Variants in RNF216 observed in about 807,000 individuals in gnomAD.
RNF216 encodes the protein E3 ubiquitin-protein ligase RNF216.
In RNF216, 72 loss-of-function variants were observed where a neutral mutation model predicts 110.8. The observed-to-expected ratio is 0.65, with a 90% CI of 0.54 to 0.79. RNF216 has a LOEUF of 0.79. RNF216 is among the 30% of genes least tolerant of loss of function. The pLI, the probability that RNF216 is intolerant of heterozygous loss-of-function variation, is 0.00. For missense variants in RNF216, 1,342 were observed against 1,141.2 expected, an observed-to-expected ratio of 1.18 and a Z score of -2.54; for synonymous variants, 495 against 407.5, an observed-to-expected ratio of 1.21 and a Z score of -2.59.
At chr7:5,713,406 A>G (rs1792841357) in intron 11 of RNF216, 1 of 152,608 alleles carries the variant, frequency 6.6e-6, no homozygotes, top group Non-Finnish European at 1.5e-5. Flanking sequence ...AGAGGAGAGC[A>G]GAGCTGAGGG....
chr7:5,640,745 A>G (rs971224858), intron 15 of RNF216, among the ~76,000 whole-genome samples: 1 of 152,188 alleles, frequency 6.6e-6, no homozygotes, highest in Non-Finnish European at 1.5e-5. Flanking sequence ...CTAATATTTT[A>G]TTTACATAAT....
intron 11 of RNF216, among the ~76,000 whole-genome samples, chr7:5,713,882 G>T (rs1355886680): frequency 6.6e-6 from 1 of 152,218 alleles, no homozygotes; most frequent in Non-Finnish European, 1.5e-5. Context: ...TACAGAGGAA[G>T]AAACAGTGGC....
At chr7:5,735,173 T>G (rs1376284108) in intron 5 of RNF216, among the ~76,000 whole-genome samples, 38 of 152,184 alleles carry the variant, frequency 2.5e-4, no homozygotes, top group Non-Finnish European at 4.9e-4. Context: ...AAAAAAGAGT[T>G]TGTGTAATCC....
At chr7:5,762,202 T>A (rs1237431967) in intron 1 of RNF216, among the ~76,000 whole-genome samples, 1 of 152,050 alleles carries the variant, frequency 6.6e-6, no homozygotes, top group Non-Finnish European at 1.5e-5. Flanking sequence ...ATACAAAAAT[T>A]TAAAATACAT....
intron 13 of RNF216, among the ~76,000 whole-genome samples, chr7:5,652,811 G>A (rs866293584): frequency 6.6e-6 from 1 of 152,050 alleles, no homozygotes; most frequent in African/African-American, 2.4e-5. Context: ...ACAAAGAGTT[G>A]GGGGAGGAGA....
chr7:5,775,087 T>C (rs1325083672), intron 1 of RNF216: 2 of 152,162 alleles, frequency 1.3e-5, no homozygotes, highest in Non-Finnish European at 2.9e-5. Flanking sequence ...CCTAGCACAG[T>C]TGTTGAACGA....
intron 15 of RNF216, among the ~76,000 whole-genome samples, chr7:5,633,031 G>A (rs10269041): frequency 6.6e-6 from 1 of 151,942 alleles, no homozygotes; most frequent in East Asian, 2.0e-4. Context: ...CCAGGCTGGA[G>A]TGCAGTGGTG....
chr7:5,706,334 A>G (rs142515977), intron 13 of RNF216, among the ~76,000 whole-genome samples: 69 of 152,308 alleles, frequency 4.5e-4, no homozygotes, highest in African/African-American at 1.6e-3. Flanking sequence ...TGATCTCTAA[A>G]CAACTTAATC....
At chr7:5,738,433 G>C (rs538353470) in intron 5 of RNF216, among the ~76,000 whole-genome samples, 72 of 152,222 alleles carry the variant, frequency 4.7e-4, no homozygotes, top group African/African-American at 1.7e-3. Context: ...ATATGGCTGG[G>C]AGCGGTGGCT....
intron 15 of RNF216, among the ~76,000 whole-genome samples, chr7:5,626,693 G>A (rs1224870093): frequency 6.6e-6 from 1 of 151,724 alleles, no homozygotes; most frequent in African/African-American, 2.4e-5. Context: ...AAGGAAGAAA[G>A]AAAAAAGAAA....
intron 14 of RNF216, among the ~76,000 whole-genome samples, chr7:5,646,842 T>A (rs1788079768): frequency 6.6e-6 from 1 of 152,070 alleles, no homozygotes; most frequent in Admixed American, 6.6e-5. Flanking sequence ...GCAGTTGGAG[T>A]ACTCTGAGTT....
intron 13 of RNF216, among the ~76,000 whole-genome samples, chr7:5,690,829 G>C (rs1791288222): frequency 6.6e-6 from 1 of 152,132 alleles, no homozygotes; most frequent in Non-Finnish European, 1.5e-5. Context: ...TGCCAGGACA[G>C]CTCTGCCACA....
intron 12 of RNF216, among the ~76,000 whole-genome samples, chr7:5,712,460 G>A (rs537330263): frequency 7.4e-5 from 11 of 149,558 alleles, no homozygotes; most frequent in Admixed American, 4.0e-4. Flanking sequence ...GCGACAGAGC[G>A]AGAATCCACC....
At chr7:5,649,039 G>A (rs1249551169) in intron 14 of RNF216, among the ~76,000 whole-genome samples, 1 of 152,200 alleles carries the variant, frequency 6.6e-6, no homozygotes, top group Non-Finnish European at 1.5e-5. Flanking sequence ...ATGACATGCT[G>A]TCAGGGATTT....
At chr7:5,750,260 T>A (rs1795261694) in intron 3 of RNF216, among the ~76,000 whole-genome samples, 1 of 152,172 alleles carries the variant, frequency 6.6e-6, no homozygotes, top group South Asian at 2.1e-4. Context: ...CTCAGGAACC[T>A]CCAGATGCTG....
At chr7:5,666,747 A>C in intron 13 of RNF216, 1 of 151,942 alleles carries the variant, frequency 6.6e-6, no homozygotes, top group Middle Eastern at 3.5e-3. Flanking sequence ...GCCCCTTCCA[A>C]AGGATTTGCT....
At chr7:5,736,373 C>T (rs1428018617) in intron 5 of RNF216, among the ~76,000 whole-genome samples, 7 of 152,314 alleles carry the variant, frequency 4.6e-5, no homozygotes, top group East Asian at 1.9e-4. Flanking sequence ...CTGCCAGCCT[C>T]GGCCTCCCGA....
chr7:5,712,707 G>A lies in RNF216; in HGVS notation c.1982+8C>T, dbSNP rs1435442502. On this transcript the variant is annotated splice_region_variant and intron_variant, in intron 12 of 16. Coordinates refer to ENST00000389902, the MANE Select transcript of RNF216 (RefSeq NM_207111.4). ...TTGGCAGATGGCACGCTCTGCCTGA[G>A]AACGAACCTGACAAGCTCGTCGGCG... 5 of 1,614,002 alleles carry A rather than the reference G, an allele frequency of 3.1e-6. No homozygotes were observed. The highest frequency in any genetic ancestry group is 4.2e-6 in the Non-Finnish European group (5 of 1,179,948).
At chr7:5,735,051 C>A (rs1243563387) in intron 5 of RNF216, among the ~76,000 whole-genome samples, 3 of 151,784 alleles carry the variant, frequency 2.0e-5, no homozygotes, top group African/African-American at 7.3e-5. Flanking sequence ...GAGGCTGAGG[C>A]AGAAGAATCG....
Sources: allele counts gnomAD v4.1 joint callset (sites outside exome capture counted in the v4.1 genomes callset), GRCh38; gene constraint gnomAD v4.1.1; transcripts MANE v1.5; gene names NCBI Gene and HGNC (gene_info 2026-07-23, HGNC 2026-07-21).